Variants in CDK8 observed in about 807,000 individuals in gnomAD.
CDK8 encodes cyclin dependent kinase 8.
CDK8 carries 29 observed loss-of-function variants against 71.5 expected under a neutral mutation model. The observed-to-expected ratio is 0.41, with a 90% CI of 0.30 to 0.55. The LOEUF is 0.55. CDK8 is among the 20% of genes least tolerant of loss of function. The pLI is 0.37. For missense variants in CDK8, 288 were observed against 572.6 expected (o/e 0.50, Z 5.07); for synonymous variants, 161 against 192.1 (o/e 0.84, Z 1.34).
intron 4 of CDK8, among the ~76,000 whole-genome samples, chr13:26,379,064 A>T (rs1035483421): frequency 2.6e-5 from 4 of 152,192 alleles, no homozygotes; most frequent in Non-Finnish European, 5.9e-5. Context: ...ACATTCAGAA[A>T]AGAAGAAATT....
chr13:26,361,065 C>T (rs1448272051), intron 4 of CDK8, among the ~76,000 whole-genome samples: 1 of 152,106 alleles, frequency 6.6e-6, no homozygotes, highest in African/African-American at 2.4e-5. Flanking sequence ...GACCCTTTTC[C>T]TATGTGTTCT....
At chr13:26,327,873 T>C (rs552028848) in intron 1 of CDK8, among the ~76,000 whole-genome samples, 1 of 151,898 alleles carries the variant, frequency 6.6e-6, no homozygotes, top group Non-Finnish European at 1.5e-5. Context: ...ACAATAATTG[T>C]TAGGACCTTT....
At chr13:26,352,014 C>G (rs1327010344) in intron 3 of CDK8, among the ~76,000 whole-genome samples, 1 of 151,858 alleles carries the variant, frequency 6.6e-6, no homozygotes, top group Non-Finnish European at 1.5e-5. Flanking sequence ...TTGTAATACT[C>G]TAATGAAAGT....
chr13:26,309,622 C>T (rs2137928541), intron 1 of CDK8, among the ~76,000 whole-genome samples: 1 of 152,254 alleles, frequency 6.6e-6, no homozygotes, highest in African/African-American at 2.4e-5. Flanking sequence ...TCCAGACCCT[C>T]TTTTTCTCTC....
intron 1 of CDK8, among the ~76,000 whole-genome samples, chr13:26,273,192 G>A (rs934620851): frequency 5.3e-5 from 8 of 152,132 alleles, no homozygotes; most frequent in Admixed American, 3.9e-4. Context: ...GGCATACTTT[G>A]TTAAAAATCA....
intron 6 of CDK8, among the ~76,000 whole-genome samples, chr13:26,387,651 C>T (rs1158136931): frequency 6.6e-6 from 1 of 152,160 alleles, no homozygotes; most frequent in African/African-American, 2.4e-5. Context: ...AAAATCTTCG[C>T]AGCATTGTAG....
intron 4 of CDK8, among the ~76,000 whole-genome samples, chr13:26,379,420 C>T (rs142667550): frequency 1.3e-5 from 2 of 152,294 alleles, no homozygotes; most frequent in East Asian, 1.9e-4. Flanking sequence ...TTTATCCCCC[C>T]ACCAGTGGTC....
chr13:26,260,828 A>G (rs1471577432), intron 1 of CDK8, among the ~76,000 whole-genome samples: 1 of 152,242 alleles, frequency 6.6e-6, no homozygotes, highest in African/African-American at 2.4e-5. Context: ...GGAACTATGT[A>G]TGGCAAATCA....
chr13:26,269,981 G>T (rs1194063800), intron 1 of CDK8, among the ~76,000 whole-genome samples: 1 of 152,042 alleles, frequency 6.6e-6, no homozygotes, highest in African/African-American at 2.4e-5. Flanking sequence ...TTGTCTTCAT[G>T]GAAAAATATT....
intron 6 of CDK8, among the ~76,000 whole-genome samples, chr13:26,392,225 A>C (rs1875778893): frequency 6.6e-6 from 1 of 152,162 alleles, no homozygotes; most frequent in Non-Finnish European, 1.5e-5. Context: ...TTTGAATGAA[A>C]GTAAATCTGT....
rs142412018 is a variant in CDK8, at chr13:26,298,354, G to A, written c.129-39213G>A. ...TATTAAAGCCAGTGGCAATATCTTA[G>A]GCCACAGAAGTTCAAGAGACTCTAC... On this transcript the variant is annotated intron_variant, in intron 1 of 12. Coordinates refer to ENST00000381527, the MANE Select transcript of CDK8 (RefSeq NM_001260.3). Among the ~76,000 whole-genome samples, 902 of 152,118 alleles carry A rather than the reference G, an allele frequency of 5.9e-3. 10 individuals carry two copies. Among genetic ancestry groups the A allele is most frequent in the African/African-American group, 0.021 (854 of 41,510 alleles).
chr13:26,376,063 G>T (rs761270259), intron 4 of CDK8, among the ~76,000 whole-genome samples: 1 of 152,160 alleles, frequency 6.6e-6, no homozygotes, highest in African/African-American at 2.4e-5. Flanking sequence ...CAAACATCTA[G>T]ATTTGTCAAG....
chr13:26,304,405 A>C (rs1873948766), intron 1 of CDK8, among the ~76,000 whole-genome samples: 1 of 152,002 alleles, frequency 6.6e-6, no homozygotes, highest in Non-Finnish European at 1.5e-5. Context: ...CTTTCTATTT[A>C]TCTCTCCAGC....
At chr13:26,342,357 C>T (rs1873279761) in intron 2 of CDK8, among the ~76,000 whole-genome samples, 2 of 152,154 alleles carry the variant, frequency 1.3e-5, no homozygotes, top group African/African-American at 4.8e-5. Context: ...AGCCTGCATA[C>T]TCTCTCAGCA....
chr13:26,324,751 T>A (rs1874945942), intron 1 of CDK8: 9 of 550,608 alleles, frequency 1.6e-5, no homozygotes, highest in Non-Finnish European at 1.8e-5. Context: ...CCAATAAGTT[T>A]AAATTTTTTT....
intron 4 of CDK8, among the ~76,000 whole-genome samples, chr13:26,380,163 T>C (rs1875148923): frequency 6.6e-6 from 1 of 152,068 alleles, no homozygotes; most frequent in Admixed American, 6.5e-5. Context: ...GGAGGACCAA[T>C]CAAAGTTAAA....
At chr13:26,301,212 C>CTTT (rs36054795) in intron 1 of CDK8, among the ~76,000 whole-genome samples, 12 of 92,896 alleles carry the variant, frequency 1.3e-4, no homozygotes, top group East Asian at 3.3e-4. Flanking sequence ...TATCAGTAGA[C>CTTT]TTTTTTTTTT....
chr13:26,297,835 A>G (rs1252853560), intron 1 of CDK8, among the ~76,000 whole-genome samples: 1 of 152,174 alleles, frequency 6.6e-6, no homozygotes, highest in African/African-American at 2.4e-5. Flanking sequence ...AACACAAATT[A>G]TTTCTCACAC....
At chr13:26,400,818 G>A (rs1325717941) in intron 10 of CDK8, among the ~76,000 whole-genome samples, 1 of 152,082 alleles carries the variant, frequency 6.6e-6, no homozygotes, top group Non-Finnish European at 1.5e-5. Context: ...GGTTATGCGT[G>A]CTGTAGCTCC....
Sources: allele counts gnomAD v4.1 joint callset (sites outside exome capture counted in the v4.1 genomes callset), GRCh38; gene constraint gnomAD v4.1.1; transcripts MANE v1.5; gene names NCBI Gene and HGNC (gene_info 2026-07-23, HGNC 2026-07-21).